LARP4B: variants seen among roughly 807,000 people sequenced by gnomAD.
LARP4B encodes the protein La ribonucleoprotein 4B.
LARP4B carries 12 observed loss-of-function variants against 89.8 expected under a neutral mutation model. That is an observed-to-expected ratio of 0.13 (90% CI 0.09 to 0.22). The LOEUF (loss-of-function observed/expected upper bound fraction) is 0.22, where lower values mean the gene tolerates loss of function less well. Ranked by LOEUF, LARP4B falls within the 10% of genes least tolerant of loss-of-function variation. The pLI is 1.00. For synonymous variants in LARP4B, 367 were observed against 363.3 expected (o/e 1.01, Z -0.12); for missense variants, 757 against 947.7 (o/e 0.80, Z 2.64).
chr10:909,089 T>C (rs1381128882), intron 1 of LARP4B, among the ~76,000 whole-genome samples: 5 of 151,522 alleles, frequency 3.3e-5, no homozygotes, highest in African/African-American at 9.7e-5. Context: ...GGTCAGGAGA[T>C]CAAGATCATC....
At chr10:959,291 G>A in the LARP4B span, among the ~76,000 whole-genome samples, 5 of 151,832 alleles carry the variant, frequency 3.3e-5, no homozygotes, top group Non-Finnish European at 7.4e-5. Flanking sequence ...GCATTTGTTG[G>A]TGAAAGGTGT....
At chr10:945,238 G>A in the LARP4B span, among the ~76,000 whole-genome samples, 1 of 151,518 alleles carries the variant, frequency 6.6e-6, no homozygotes, top group African/African-American at 2.4e-5. Context: ...ACAAAAATTA[G>A]CTGGGCATTA....
chr10:935,722 C>CTTTTTTTTTTTTTTTTTTTTT (rs10711022), upstream of LARP4B, among the ~76,000 whole-genome samples: 6 of 83,916 alleles, frequency 7.2e-5, no homozygotes, highest in Non-Finnish European at 1.2e-4. Context: ...CTTTTCTTTT[C>CTTTTTTTTTTTTTTTTTTTTT]TTTTTTTTTT....
intron 1 of LARP4B, among the ~76,000 whole-genome samples, chr10:909,095 T>G (rs191782158): frequency 1.3e-5 from 2 of 151,642 alleles, no homozygotes; most frequent in Non-Finnish European, 2.9e-5. Flanking sequence ...GAGATCAAGA[T>G]CATCCTGGCT....
chr10:935,734 T>C (rs1470726387), upstream of LARP4B, among the ~76,000 whole-genome samples: 1 of 143,484 alleles, frequency 7.0e-6, no homozygotes, highest in East Asian at 2.0e-4. Flanking sequence ...TTTTTTTTTT[T>C]TTTTTTTTGA....
intron 1 of LARP4B, among the ~76,000 whole-genome samples, chr10:901,034 T>C (rs12765174): frequency 0.16 from 24,141 of 150,596 alleles, 2,085 homozygotes; most frequent in Non-Finnish European, 0.19. Flanking sequence ...ATTCTCCTGC[T>C]TCAGCCTCAT....
the LARP4B span, chr10:986,171 C>A: frequency 6.6e-6 from 1 of 152,208 alleles, no homozygotes; most frequent in Non-Finnish European, 1.5e-5. Context: ...CAGAAAAGAC[C>A]AAACCCACAA....
the LARP4B span, chr10:972,617 C>T: frequency 2.2e-6 from 1 of 457,310 alleles, no homozygotes. Flanking sequence ...TAGAGACTTC[C>T]AAGCAATCAT....
At chr10:918,893 G>A (rs555656813) in intron 1 of LARP4B, among the ~76,000 whole-genome samples, 3 of 151,874 alleles carry the variant, frequency 2.0e-5, no homozygotes, top group Admixed American at 1.3e-4. Context: ...TGGCTAACAC[G>A]GTGAAACCCC....
chr10:872,137 A>T (rs914849422), intron 3 of LARP4B, among the ~76,000 whole-genome samples: 2 of 152,200 alleles, frequency 1.3e-5, no homozygotes, highest in Non-Finnish European at 2.9e-5. Context: ...GTAGTGCACT[A>T]CTTTCTGCGT....
chr10:855,280 T>A (rs1454676602), intron 5 of LARP4B, among the ~76,000 whole-genome samples: 1 of 152,222 alleles, frequency 6.6e-6, no homozygotes, highest in Non-Finnish European at 1.5e-5. Context: ...TGGTTAACTG[T>A]TTGGCTCCAG....
At chr10:941,900 T>C in the LARP4B span, among the ~76,000 whole-genome samples, 1 of 152,064 alleles carries the variant, frequency 6.6e-6, no homozygotes, top group Admixed American at 6.6e-5. Context: ...CTCAGCCTCC[T>C]AAGTACCTGG....
At chr10:943,863 C>T in the LARP4B span, among the ~76,000 whole-genome samples, 1 of 151,832 alleles carries the variant, frequency 6.6e-6, no homozygotes, top group Non-Finnish European at 1.5e-5. Flanking sequence ...ACGTAAGCTC[C>T]ACAACATCAG....
the LARP4B span, chr10:986,172 A>C: frequency 6.6e-6 from 1 of 152,244 alleles, no homozygotes; most frequent in African/African-American, 2.4e-5. Context: ...AGAAAAGACC[A>C]AACCCACAAA....
At chr10:843,713 G>T (rs1833641270) in intron 6 of LARP4B, among the ~76,000 whole-genome samples, 1 of 151,786 alleles carries the variant, frequency 6.6e-6, no homozygotes, top group African/African-American at 2.4e-5. Context: ...AAAAAAGAAA[G>T]AAAAACAATT....
At chr10:884,400 C>T (rs776996285) in intron 3 of LARP4B, 47 bp downstream of exon 3, 19 of 1,236,024 alleles carry the variant, frequency 1.5e-5, no homozygotes, top group Admixed American at 3.4e-5. Flanking sequence ...ATCTCTGAGC[C>T]TTGACTGTGA....
chr10:958,620 T>A, the LARP4B span, among the ~76,000 whole-genome samples: 50 of 152,316 alleles, frequency 3.3e-4, no homozygotes, highest in South Asian at 9.9e-3. Flanking sequence ...GTCATAAACA[T>A]CCTTCTTTGT....
At chr10:883,589 T>C (rs1446961866) in intron 3 of LARP4B, among the ~76,000 whole-genome samples, 1 of 151,688 alleles carries the variant, frequency 6.6e-6, no homozygotes, top group Non-Finnish European at 1.5e-5. Context: ...ATAATATATT[T>C]ATAAAATATA....
At chr10:936,537 T>C (rs1830749510), upstream of LARP4B, among the ~76,000 whole-genome samples, 1 of 152,080 alleles carries the variant, frequency 6.6e-6, no homozygotes, top group Non-Finnish European at 1.5e-5. Flanking sequence ...CTGGCCAACA[T>C]GGTGAAACAC....
Sources: allele counts gnomAD v4.1 joint callset (sites outside exome capture counted in the v4.1 genomes callset), GRCh38; gene constraint gnomAD v4.1.1; transcripts MANE v1.5; gene names NCBI Gene and HGNC (gene_info 2026-07-23, HGNC 2026-07-21).